Variants in HPSE2 observed in about 807,000 individuals in gnomAD.
HPSE2 encodes the protein inactive heparanase-2.
In HPSE2, 38 loss-of-function variants were observed where a neutral mutation model predicts 60.5. That is an observed-to-expected ratio of 0.63 (90% CI 0.48 to 0.82). The LOEUF (loss-of-function observed/expected upper bound fraction) is 0.82, where lower values mean the gene tolerates loss of function less well. Ranked by LOEUF, HPSE2 falls within the 40% of genes least tolerant of loss-of-function variation. HPSE2 has a pLI of 0.00. For missense variants in HPSE2, 713 were observed against 740.4 expected (o/e 0.96, Z 0.43); for synonymous variants, 295 against 293.2 (o/e 1.01, Z -0.06).
intron 4 of HPSE2, among the ~76,000 whole-genome samples, chr10:98,738,502 T>C (rs1364186778): frequency 1.3e-5 from 2 of 152,160 alleles, no homozygotes; most frequent in African/African-American, 4.8e-5. Flanking sequence ...AAAGAGCTTC[T>C]GCACAGCAAA....
intron 3 of HPSE2, among the ~76,000 whole-genome samples, chr10:99,101,847 A>G (rs572187067): frequency 6.6e-6 from 1 of 152,370 alleles, no homozygotes; most frequent in African/African-American, 2.4e-5. Flanking sequence ...AAACTGCTCA[A>G]CTACATGGAA....
chr10:99,130,256 T>C (rs2135733687), intron 3 of HPSE2, among the ~76,000 whole-genome samples: 1 of 152,026 alleles, frequency 6.6e-6, no homozygotes, highest in South Asian at 2.1e-4. Flanking sequence ...AAGAAAGAGG[T>C]TCCCTTCCTT....
At chr10:99,041,540 C>A (rs1191188130) in intron 3 of HPSE2, among the ~76,000 whole-genome samples, 1 of 152,192 alleles carries the variant, frequency 6.6e-6, no homozygotes, top group Admixed American at 6.5e-5. Context: ...ACTACCCACT[C>A]AAACCCAGGT....
intron 3 of HPSE2, among the ~76,000 whole-genome samples, chr10:99,005,417 T>A (rs555215575): frequency 2.0e-5 from 3 of 152,154 alleles, no homozygotes; most frequent in Non-Finnish European, 2.9e-5. Flanking sequence ...ATTCTTCTGC[T>A]TGATCAATGC....
At chr10:99,190,675 T>C (rs928379743) in intron 2 of HPSE2, among the ~76,000 whole-genome samples, 1 of 152,052 alleles carries the variant, frequency 6.6e-6, no homozygotes, top group Non-Finnish European at 1.5e-5. Context: ...CCTCCAGCAA[T>C]TGTGTTCGCC....
At position 98,672,852 on chromosome 10, in the gene HPSE2, GA is replaced by G. The variant is rs531391600; in HGVS notation, c.1004+21047del. Among the ~76,000 whole-genome samples the G allele has an allele frequency of 4.0e-5, 6 of 150,446 alleles. No homozygotes were observed. In the East Asian group the frequency reaches 5.9e-4, roughly 15 times the overall value. Reference sequence around the variant, plus strand: ...GAGTGTCTCTTGCTTAATTTTTCCAGAAAAAAAAAGATAACTACTAATGATA... The same window carrying G: ...GAGTGTCTCTTGCTTAATTTTTCCAGAAAAAAAAGATAACTACTAATGATA... On this transcript the variant is annotated intron_variant, in intron 6 of 11. Coordinates refer to ENST00000370552, the MANE Select transcript of HPSE2 (RefSeq NM_021828.5).
At chr10:99,097,464 A>C (rs1843757659) in intron 3 of HPSE2, among the ~76,000 whole-genome samples, 1 of 152,140 alleles carries the variant, frequency 6.6e-6, no homozygotes, top group Non-Finnish European at 1.5e-5. Flanking sequence ...ACCTGGCCCA[A>C]TTAGTTCTAA....
intron 3 of HPSE2, among the ~76,000 whole-genome samples, chr10:98,840,880 TA>T (rs1284422364): frequency 5.3e-5 from 8 of 152,196 alleles, no homozygotes; most frequent in African/African-American, 1.9e-4. Flanking sequence ...TAATTTACCA[TA>T]CACAGCATTG....
intron 3 of HPSE2, among the ~76,000 whole-genome samples, chr10:98,924,034 T>C (rs1253187182): frequency 2.0e-5 from 3 of 152,166 alleles, no homozygotes; most frequent in Non-Finnish European, 4.4e-5. Context: ...GGCTTATTTG[T>C]GCCTGTCTTT....
chr10:98,691,652 C>T (rs971817950), intron 6 of HPSE2, among the ~76,000 whole-genome samples: 1 of 152,158 alleles, frequency 6.6e-6, no homozygotes, highest in Non-Finnish European at 1.5e-5. Flanking sequence ...GGACACTGAA[C>T]AGAGTTTCAG....
chr10:99,081,167 G>A (rs1843123374), intron 3 of HPSE2, among the ~76,000 whole-genome samples: 1 of 152,180 alleles, frequency 6.6e-6, no homozygotes, highest in Admixed American at 6.5e-5. Context: ...CGAAGGTAAA[G>A]TAAAAAACTG....
chr10:98,712,830 A>T (rs1450812844), intron 5 of HPSE2, among the ~76,000 whole-genome samples: 1 of 152,110 alleles, frequency 6.6e-6, no homozygotes, highest in Non-Finnish European at 1.5e-5. Flanking sequence ...ATTAACTTCC[A>T]TTCTTCATTC....
Position 98,708,018 on chromosome 10 carries a change from A to G in HPSE2, c.956+13639T>C, listed in dbSNP as rs1208815553. ...ATAAGAATTTATTACATAAAAAGGA[A>G]TTCAGTATGTGAAAAACTGAAGCAT... On this transcript the variant is annotated intron_variant, in intron 5 of 11. Coordinates refer to ENST00000370552, the MANE Select transcript of HPSE2 (RefSeq NM_021828.5). Among the ~76,000 whole-genome samples, 5 of 152,314 alleles carry G rather than the reference A, an allele frequency of 3.3e-5. No individual in the cohort carries two copies. In the East Asian group the frequency reaches 5.8e-4, roughly 18 times the overall value.
intron 2 of HPSE2, among the ~76,000 whole-genome samples, chr10:99,229,642 G>A (rs1849583070): frequency 6.6e-6 from 1 of 152,160 alleles, no homozygotes; most frequent in Non-Finnish European, 1.5e-5. Context: ...AAGTCATAGG[G>A]CCAGGCATGC....
intron 11 of HPSE2, among the ~76,000 whole-genome samples, chr10:98,474,076 C>T (rs1940898797): frequency 6.6e-6 from 1 of 152,026 alleles, no homozygotes; most frequent in Non-Finnish European, 1.5e-5. Context: ...TCTGGTTGAC[C>T]AGAGTTCAAA....
In HPSE2 at chr10:98,646,322, CTTTT is replaced by C. The variant is rs5787294; in HGVS notation, c.1005-4386_1005-4383del. ...ATGGTGATTTCTTTTTTTCTTTTTT[CTTTT>C]TTTTTTTTTAAAAAAACCCTGGCTG... On this transcript the variant is annotated intron_variant, in intron 6 of 11. Transcript: ENST00000370552. Among the ~76,000 whole-genome samples the C allele has an allele frequency of 8.4e-3, 1,224 of 145,014 alleles. 7 individuals carry two copies. The highest frequency in any genetic ancestry group is 0.027 in the South Asian group (123 of 4,526).
intron 3 of HPSE2, among the ~76,000 whole-genome samples, chr10:99,050,425 G>A (rs1049326158): frequency 6.6e-6 from 1 of 152,132 alleles, no homozygotes; most frequent in Non-Finnish European, 1.5e-5. Context: ...AAAACAGTAT[G>A]GATATTCCTC....
At chr10:98,898,160 C>T (rs1953550610) in intron 3 of HPSE2, among the ~76,000 whole-genome samples, 1 of 152,104 alleles carries the variant, frequency 6.6e-6, no homozygotes, top group Admixed American at 6.6e-5. Flanking sequence ...CACTAAAAGA[C>T]AGTTTGGCAG....
the HPSE2 span, among the ~76,000 whole-genome samples, chr10:99,260,440 G>GCC: frequency 1.3e-5 from 2 of 152,128 alleles, no homozygotes; most frequent in African/African-American, 4.8e-5. Flanking sequence ...CAGACCACCA[G>GCC]CCCAAGGAAC....
Sources: gnomAD v4.1 joint callset for allele counts (sites outside exome capture counted in the v4.1 genomes callset) on GRCh38, gnomAD v4.1.1 for gene constraint, MANE v1.5 for transcripts, NCBI Gene and HGNC (gene_info 2026-07-23, HGNC 2026-07-21) for gene names.